The following PARD3B variants were observed in gnomAD, a reference collection of about 807,000 sequenced individuals.
PARD3B encodes the protein par-3 family cell polarity regulator beta.
In PARD3B, 103 loss-of-function variants were observed where a neutral mutation model predicts 130.2. The observed-to-expected ratio is 0.79, with a 90% CI of 0.67 to 0.93. The LOEUF (loss-of-function observed/expected upper bound fraction) is 0.93. Ranked by LOEUF, PARD3B falls within the 40% of genes least tolerant of loss-of-function variation. The pLI is 0.00. For synonymous variants in PARD3B, 583 were observed against 553.2 expected (o/e 1.05, Z -0.76); for missense variants, 1,609 against 1,499.2 (o/e 1.07, Z -1.21).
intron 18 of PARD3B, among the ~76,000 whole-genome samples, chr2:205,372,201 G>A (rs1016481732): frequency 3.9e-5 from 6 of 152,144 alleles, no homozygotes; most frequent in African/African-American, 7.2e-5. Context: ...GGTATATGGT[G>A]ACTCTATGTT....
intron 2 of PARD3B, among the ~76,000 whole-genome samples, chr2:204,803,632 T>A (rs1420110185): frequency 6.6e-6 from 1 of 152,196 alleles, no homozygotes; most frequent in Non-Finnish European, 1.5e-5. Flanking sequence ...ACCAGTGTTG[T>A]CGTCAGTTTA....
chr2:204,936,058 TATAG>T (rs1370122005), intron 2 of PARD3B, among the ~76,000 whole-genome samples: 1 of 152,232 alleles, frequency 6.6e-6, no homozygotes, highest in Non-Finnish European at 1.5e-5. Context: ...TGAAGATGGT[TATAG>T]ATAGTCAGTT....
rs1413150588 is a variant in PARD3B, at chr2:205,407,898, T to C, written c.2741+6775T>C. ...CAGAGTTTATTTTGCAGGAAGCTCA[T>C]TTGTTGTATTAATTAAACATTGCTT... is the stretch of plus-strand genomic sequence containing the variant. On this transcript the variant is annotated intron_variant, in intron 19 of 22. Transcript: ENST00000406610. The surrounding 1 kb of genome is among the most constrained non-coding windows in gnomAD (Gnocchi z 4.1). Among the ~76,000 whole-genome samples the C allele has an allele frequency of 6.6e-6, 1 of 152,188 alleles. No individual in the cohort carries two copies. The highest frequency in any genetic ancestry group is 1.5e-5 in the Non-Finnish European group (1 of 68,020).
At chr2:204,965,069 A>G in intron 2 of PARD3B, 83 bp from the exon 3 acceptor site, 3 of 1,370,814 alleles carry the variant, frequency 2.2e-6, no homozygotes, top group Admixed American at 2.6e-5. Flanking sequence ...TTTGCAACCA[A>G]ATAAAGATCA....
intron 2 of PARD3B, among the ~76,000 whole-genome samples, chr2:204,896,866 C>G (rs749883536): frequency 2.6e-5 from 4 of 152,066 alleles, no homozygotes; most frequent in Admixed American, 1.3e-4. Context: ...AATAAGAAAG[C>G]CTTTGAACTT....
intron 3 of PARD3B, among the ~76,000 whole-genome samples, chr2:205,025,832 G>A (rs1030976419): frequency 6.6e-6 from 1 of 152,048 alleles, no homozygotes; most frequent in Non-Finnish European, 1.5e-5. Flanking sequence ...CAGATGCCTT[G>A]TACCTGACCT....
At chr2:205,067,589 A>G (rs1056981161) in intron 4 of PARD3B, among the ~76,000 whole-genome samples, 6 of 152,204 alleles carry the variant, frequency 3.9e-5, no homozygotes, top group Non-Finnish European at 5.9e-5. Flanking sequence ...ATGAATTACA[A>G]TATTTTCCAA....
At chr2:204,945,819 A>G (rs1357082382) in intron 2 of PARD3B, among the ~76,000 whole-genome samples, 1 of 152,200 alleles carries the variant, frequency 6.6e-6, no homozygotes, top group African/African-American at 2.4e-5. Context: ...CTTTCAGTTT[A>G]GCCTTAATTC....
intron 15 of PARD3B, among the ~76,000 whole-genome samples, chr2:205,227,907 A>T (rs1418002970): frequency 6.6e-6 from 1 of 152,128 alleles, no homozygotes; most frequent in African/African-American, 2.4e-5. Context: ...CTTATAACCC[A>T]CTATTTTAAA....
chr2:204,844,042 G>A, intron 2 of PARD3B, among the ~76,000 whole-genome samples: 1 of 152,078 alleles, frequency 6.6e-6, no homozygotes, highest in East Asian at 1.9e-4. Context: ...CAAATTAACA[G>A]GAGAGAGAAA....
intron 1 of PARD3B, among the ~76,000 whole-genome samples, chr2:204,590,041 G>A (rs1260255494): frequency 6.6e-6 from 1 of 152,124 alleles, no homozygotes; most frequent in Non-Finnish European, 1.5e-5. Context: ...TCTGCTTAGA[G>A]GGTGATTGTA....
chr2:204,682,430 A>G lies in PARD3B; in HGVS notation c.121-3751A>G, dbSNP rs557866503. On this transcript the variant is annotated intron_variant, in intron 1 of 22. Coordinates refer to ENST00000406610, the MANE Select transcript of PARD3B (RefSeq NM_001302769.2). ...AATGAGTTAATCATACAAAACACAT[A>G]GTACCTATAGTACCTGACCTATAGG... 4.6e-5 allele frequency among the ~76,000 whole-genome samples: 7 copies of G among 152,326 alleles called. No individual in the cohort carries two copies. In the East Asian group the frequency reaches 1.4e-3, roughly 29 times the overall value.
At position 205,550,388 on chromosome 2, in the gene PARD3B, G is replaced by T. The variant is rs139247040; in HGVS notation, c.3181-2936G>T. ...ACCCGCTGGATTTCTTCATTGCTTT[G>T]AATACAGTGAATGACTGCATTAATG... On this transcript the variant is annotated intron_variant, in intron 21 of 22. Transcript: ENST00000406610. This position sits in a 1 kb window ranked among gnomAD's most constrained non-coding sequence, Gnocchi z 4.5. 1.2e-4 allele frequency among the ~76,000 whole-genome samples: 19 copies of T among 152,302 alleles called. No individual in the cohort carries two copies. The East Asian group carries it at 3.7e-3, about 29-fold the overall frequency.
chr2:205,164,229 A>T (rs1042978731), intron 11 of PARD3B, among the ~76,000 whole-genome samples: 1 of 152,238 alleles, frequency 6.6e-6, no homozygotes. Flanking sequence ...AAATGTTAGC[A>T]TATGTTAATT....
chr2:205,053,085 A>G (rs1178657163), intron 4 of PARD3B, among the ~76,000 whole-genome samples: 1 of 152,110 alleles, frequency 6.6e-6, no homozygotes, highest in African/African-American at 2.4e-5. Context: ...GAGTGGCTGC[A>G]TTCTCTTTAA....
intron 1 of PARD3B, among the ~76,000 whole-genome samples, chr2:204,647,111 G>A (rs2035301863): frequency 6.6e-6 from 1 of 151,842 alleles, no homozygotes; most frequent in Non-Finnish European, 1.5e-5. Flanking sequence ...CTGTAAGTTG[G>A]AGATCATCTG....
Position 205,551,373 on chromosome 2 carries a change from GTCTGTCACCA to G in PARD3B, c.3181-1948_3181-1939del, listed in dbSNP as rs538743501. Among the ~76,000 whole-genome samples the G allele has an allele frequency of 2.8e-3, 416 of 146,410 alleles. 1 individual carries two copies. Among genetic ancestry groups the G allele is most frequent in the Non-Finnish European group, 4.6e-3 (307 of 66,806 alleles). On this transcript the variant is annotated intron_variant, in intron 21 of 22. Transcript: ENST00000406610. ...TTTCTTTTTTTTTTTTTTATCCCCT[GTCTGTCACCA>G]TCCTTGCCTCTGGTTTTGGTAGAAA... is the stretch of plus-strand genomic sequence containing the variant.
At chr2:204,580,940 C>G (rs2032521275) in intron 1 of PARD3B, among the ~76,000 whole-genome samples, 1 of 152,196 alleles carries the variant, frequency 6.6e-6, no homozygotes, top group South Asian at 2.1e-4. Context: ...ACACAGGTGA[C>G]ATTTCTATCA....
At chr2:204,605,958 C>T (rs2033708289) in intron 1 of PARD3B, among the ~76,000 whole-genome samples, 1 of 152,026 alleles carries the variant, frequency 6.6e-6, no homozygotes, top group East Asian at 1.9e-4. Context: ...GTGCTGTCTG[C>T]CTGTTTTCTG....
Sources: gnomAD v4.1 joint callset for allele counts (sites outside exome capture counted in the v4.1 genomes callset) on GRCh38, gnomAD v4.1.1 for gene constraint, Gnocchi (gnomAD v3.1) non-coding constraint, MANE v1.5 for transcripts, NCBI Gene and HGNC (gene_info 2026-07-23, HGNC 2026-07-21) for gene names.